Variants in SYNPR observed in about 807,000 individuals in gnomAD.
SYNPR encodes the protein synaptoporin.
In SYNPR, 23 loss-of-function variants were observed where a neutral mutation model predicts 32.9. That is an observed-to-expected ratio of 0.70 (90% CI 0.50 to 0.99). The LOEUF (loss-of-function observed/expected upper bound fraction) is 0.99. Among genes scored for constraint, SYNPR ranks in the 50% least tolerant of loss-of-function variants. The probability of loss-of-function intolerance (pLI) is 0.00; values close to 1 mark genes in which losing one functional copy is unlikely to be tolerated. For missense variants in SYNPR, 318 were observed against 349.3 expected (o/e 0.91, Z 0.71); for synonymous variants, 146 against 135.9 (o/e 1.07, Z -0.52).
intron 2 of SYNPR, among the ~76,000 whole-genome samples, chr3:63,372,584 G>A (rs374801563): frequency 1.3e-5 from 2 of 152,104 alleles, no homozygotes; most frequent in Non-Finnish European, 2.9e-5. Context: ...CTGCCCCTGG[G>A]TTGGGCCCAC....
rs1575626666 is a variant in SYNPR, at chr3:63,403,430, A to G, written c.85-77402A>G. Among the ~76,000 whole-genome samples, 7 of 137,236 alleles carry G rather than the reference A, an allele frequency of 5.1e-5. 1 individual carries two copies. The highest frequency in any genetic ancestry group is 2.0e-4 in the East Asian group (1 of 4,908). The allele number at this position is 137,236 out of a possible 152,430, so 90.0% of individuals were successfully genotyped here. On this transcript the variant is annotated intron_variant, in intron 2 of 5. Coordinates refer to ENST00000478300, the MANE Select transcript of SYNPR (RefSeq NM_001130003.2). ...CACACACACACACATTCTCATACGT[A>G]TGTATACACATACACACACACACAC... is the stretch of plus-strand genomic sequence containing the variant.
intron 2 of SYNPR, among the ~76,000 whole-genome samples, chr3:63,426,284 A>T (rs564181787): frequency 6.6e-6 from 1 of 152,326 alleles, no homozygotes; most frequent in South Asian, 2.1e-4. Context: ...ACCACAAATT[A>T]CTTTCACTAA....
intron 2 of SYNPR, among the ~76,000 whole-genome samples, chr3:63,316,372 T>C (rs1425710972): frequency 6.6e-6 from 1 of 152,010 alleles, no homozygotes; most frequent in Non-Finnish European, 1.5e-5. Flanking sequence ...CCTGGACTTT[T>C]TTTTGTTTGT....
chr3:63,551,643 C>A (rs1384934777), intron 3 of SYNPR, among the ~76,000 whole-genome samples: 1 of 152,180 alleles, frequency 6.6e-6, no homozygotes, highest in African/African-American at 2.4e-5. Flanking sequence ...GAAGTAGTAT[C>A]TCATTGTGCT....
intron 1 of SYNPR, among the ~76,000 whole-genome samples, chr3:63,240,610 G>A (rs1218966617): frequency 2.0e-5 from 3 of 152,068 alleles, no homozygotes; most frequent in Non-Finnish European, 4.4e-5. Flanking sequence ...CACCCAAGGG[G>A]ACTTATCCAA....
At chr3:63,386,694 G>T (rs539809658) in intron 2 of SYNPR, among the ~76,000 whole-genome samples, 3 of 151,646 alleles carry the variant, frequency 2.0e-5, no homozygotes, top group African/African-American at 7.3e-5. Flanking sequence ...ATGAGCCTCA[G>T]TTCTGGGTGA....
intron 2 of SYNPR, among the ~76,000 whole-genome samples, chr3:63,391,701 A>T (rs990767149): frequency 1.3e-5 from 2 of 152,212 alleles, no homozygotes. Context: ...CATAAAAATG[A>T]GAAAATTGAG....
intron 2 of SYNPR, among the ~76,000 whole-genome samples, chr3:63,327,162 A>G (rs1213003791): frequency 1.3e-5 from 2 of 152,138 alleles, no homozygotes; most frequent in Non-Finnish European, 2.9e-5. Context: ...GTAAAGTAGA[A>G]TGGAGATAAA....
chr3:63,477,980 G>T (rs369562327), intron 2 of SYNPR, among the ~76,000 whole-genome samples: 5 of 152,188 alleles, frequency 3.3e-5, no homozygotes, highest in African/African-American at 9.6e-5. Flanking sequence ...GCCTCAGCCT[G>T]TTCGTTGATC....
At chr3:63,588,000 G>A (rs1483353773) in intron 4 of SYNPR, among the ~76,000 whole-genome samples, 1 of 151,814 alleles carries the variant, frequency 6.6e-6, no homozygotes, top group African/African-American at 2.4e-5. Flanking sequence ...TTACTGGTGG[G>A]GTAAGTTCAA....
the SYNPR span, among the ~76,000 whole-genome samples, chr3:63,204,169 T>C: frequency 6.6e-6 from 1 of 152,238 alleles, no homozygotes; most frequent in Middle Eastern, 3.4e-3. Context: ...TATAACAAAT[T>C]GCCACAAACC....
intron 3 of SYNPR, among the ~76,000 whole-genome samples, chr3:63,492,211 T>G (rs1341131942): frequency 2.0e-5 from 3 of 152,136 alleles, no homozygotes; most frequent in African/African-American, 4.8e-5. Flanking sequence ...TTGGACAGGA[T>G]CAGGCCCCTG....
At chr3:63,300,989 G>T (rs549364071) in intron 2 of SYNPR, among the ~76,000 whole-genome samples, 1 of 152,086 alleles carries the variant, frequency 6.6e-6, no homozygotes, top group Non-Finnish European at 1.5e-5. Context: ...AAAGGAAGAC[G>T]TAGAGTGTTG....
At chr3:63,328,896 G>T (rs544451848) in intron 2 of SYNPR, among the ~76,000 whole-genome samples, 2 of 152,094 alleles carry the variant, frequency 1.3e-5, no homozygotes, top group East Asian at 3.9e-4. Context: ...CAAATTGACC[G>T]CCACATCTCC....
intron 2 of SYNPR, among the ~76,000 whole-genome samples, chr3:63,413,910 C>T (rs2088502447): frequency 2.0e-5 from 3 of 151,910 alleles, no homozygotes; most frequent in Admixed American, 2.0e-4. Context: ...GAAGTATCCT[C>T]AAATTAGGAG....
intron 2 of SYNPR, among the ~76,000 whole-genome samples, chr3:63,343,781 T>C (rs555489327): frequency 1.3e-5 from 2 of 152,332 alleles, no homozygotes; most frequent in Non-Finnish European, 2.9e-5. Context: ...TGTCAGAGGT[T>C]TGGGCGATTA....
chr3:63,416,602 G>C (rs776954354), intron 2 of SYNPR, among the ~76,000 whole-genome samples: 1 of 149,422 alleles, frequency 6.7e-6, no homozygotes, highest in Admixed American at 6.7e-5. Context: ...GTATTAGTCC[G>C]TTTTCATGCT....
At chr3:63,329,280 A>G (rs2087199453) in intron 2 of SYNPR, among the ~76,000 whole-genome samples, 1 of 152,166 alleles carries the variant, frequency 6.6e-6, no homozygotes, top group Non-Finnish European at 1.5e-5. Flanking sequence ...TTTAATTATC[A>G]CAGCAATTTA....
intron 2 of SYNPR, among the ~76,000 whole-genome samples, chr3:63,358,604 C>G (rs1316572024): frequency 6.9e-6 from 1 of 145,006 alleles, no homozygotes; most frequent in Non-Finnish European, 1.5e-5. Context: ...AGCTATTATT[C>G]TATATATCCT....
Sources: gnomAD v4.1 joint callset for allele counts (sites outside exome capture counted in the v4.1 genomes callset) on GRCh38, gnomAD v4.1.1 for gene constraint, MANE v1.5 for transcripts, NCBI Gene and HGNC (gene_info 2026-07-23, HGNC 2026-07-21) for gene names.